PRKN: variants seen among roughly 807,000 people sequenced by gnomAD.
The protein encoded by PRKN is E3 ubiquitin-protein ligase parkin.
In PRKN, 56 loss-of-function variants were observed where a neutral mutation model predicts 59.5. That is an observed-to-expected ratio of 0.94 (90% CI 0.76 to 1.18). PRKN has a LOEUF of 1.18. Among genes scored for constraint, PRKN ranks in the 50% most tolerant of loss-of-function variants. The pLI, the probability that PRKN is intolerant of heterozygous loss-of-function variation, is 0.00. For synonymous variants in PRKN, 250 were observed against 222.1 expected (o/e 1.13, Z -1.12); for missense variants, 657 against 596.4 (o/e 1.10, Z -1.06).
chr6:162,204,797 T>C (rs1344748198), intron 3 of PRKN, among the ~76,000 whole-genome samples: 2 of 151,674 alleles, frequency 1.3e-5, no homozygotes, highest in African/African-American at 2.4e-5. Context: ...ACCGTGGCCA[T>C]TCAGAGGTCC....
chr6:161,953,675 C>G (rs1253563594), intron 6 of PRKN, among the ~76,000 whole-genome samples: 1 of 152,138 alleles, frequency 6.6e-6, no homozygotes, highest in Non-Finnish European at 1.5e-5. Flanking sequence ...AAACAAGTGA[C>G]ACACACAAGT....
At chr6:161,705,480 A>G (rs1480543638) in intron 7 of PRKN, among the ~76,000 whole-genome samples, 1 of 152,186 alleles carries the variant, frequency 6.6e-6, no homozygotes, top group Non-Finnish European at 1.5e-5. Context: ...AAGTCAAATA[A>G]TCATATATTG....
intron 3 of PRKN, among the ~76,000 whole-genome samples, chr6:162,251,104 A>G (rs1286534164): frequency 6.6e-6 from 1 of 152,166 alleles, no homozygotes; most frequent in Non-Finnish European, 1.5e-5. Flanking sequence ...TTCATCTTGC[A>G]TATGATTTGT....
intron 7 of PRKN, among the ~76,000 whole-genome samples, chr6:161,583,885 C>T (rs554165832): frequency 6.6e-6 from 1 of 152,204 alleles, no homozygotes; most frequent in Non-Finnish European, 1.5e-5. Context: ...CCTAGACATG[C>T]ATATTTGCAA....
At chr6:162,021,962 T>C (rs867709173) in intron 5 of PRKN, among the ~76,000 whole-genome samples, 6 of 152,314 alleles carry the variant, frequency 3.9e-5, no homozygotes, top group South Asian at 4.1e-4. Context: ...ATTTTTTGTT[T>C]CTGCATTAAT....
intron 9 of PRKN, among the ~76,000 whole-genome samples, chr6:161,500,866 T>A (rs1340871544): frequency 1.4e-5 from 1 of 69,946 alleles, no homozygotes; most frequent in Non-Finnish European, 3.1e-5. Flanking sequence ...TTAGTTTAGT[T>A]TTTTTTTTTC....
At chr6:161,860,417 T>G (rs377297968) in intron 6 of PRKN, among the ~76,000 whole-genome samples, 1 of 152,210 alleles carries the variant, frequency 6.6e-6, no homozygotes, top group African/African-American at 2.4e-5. Context: ...GAAAAGGAAA[T>G]TAATATCCCA....
chr6:162,555,480 C>CT (rs1264024803), intron 1 of PRKN, among the ~76,000 whole-genome samples: 3 of 152,084 alleles, frequency 2.0e-5, no homozygotes, highest in Non-Finnish European at 2.9e-5. Context: ...CAAATAGAAG[C>CT]TTTCTTTTCT....
At chr6:161,427,918 A>T (rs1352398470) in intron 9 of PRKN, among the ~76,000 whole-genome samples, 3 of 152,076 alleles carry the variant, frequency 2.0e-5, no homozygotes, top group Non-Finnish European at 2.9e-5. Context: ...GACTGAAATC[A>T]CTCTTGTCGA....
chr6:162,175,316 A>G (rs994391805), intron 4 of PRKN, among the ~76,000 whole-genome samples: 5 of 152,214 alleles, frequency 3.3e-5, no homozygotes, highest in Admixed American at 2.0e-4. Context: ...AAGAAAAGTG[A>G]GCCAGGGGAG....
chr6:161,508,096 T>C lies in PRKN; in HGVS notation c.1083+40758A>G, dbSNP rs563930020. On this transcript the variant is annotated intron_variant, in intron 9 of 11. Transcript: ENST00000366898. ...CATAAAAGCTGTACCCTTTTTTAAG[T>C]GCCACAGAGGACTAATAACTGTTAG... Among the ~76,000 whole-genome samples the C allele has an allele frequency of 2.0e-5, 3 of 152,310 alleles. No homozygotes were observed. The East Asian group carries it at 5.8e-4, about 29-fold the overall frequency.
At chr6:162,418,012 C>T (rs555825159) in intron 2 of PRKN, among the ~76,000 whole-genome samples, 1 of 152,260 alleles carries the variant, frequency 6.6e-6, no homozygotes, top group East Asian at 1.9e-4. Context: ...TAGGTATACG[C>T]CCAAGAGCAG....
intron 9 of PRKN, among the ~76,000 whole-genome samples, chr6:161,389,562 G>T (rs535985412): frequency 6.6e-6 from 1 of 152,164 alleles, no homozygotes; most frequent in African/African-American, 2.4e-5. Flanking sequence ...AACTAAAAGC[G>T]AATTCACTGA....
At chr6:162,144,758 G>A (rs1781947164) in intron 4 of PRKN, among the ~76,000 whole-genome samples, 1 of 152,184 alleles carries the variant, frequency 6.6e-6, no homozygotes, top group South Asian at 2.1e-4. Flanking sequence ...CAAACAGCTT[G>A]CTTGGGTTGC....
chr6:162,665,769 G>T (rs1779076759), intron 1 of PRKN, among the ~76,000 whole-genome samples: 1 of 152,136 alleles, frequency 6.6e-6, no homozygotes, highest in African/African-American at 2.4e-5. Flanking sequence ...CATGCTACCT[G>T]ACTTCAAACT....
intron 9 of PRKN, among the ~76,000 whole-genome samples, chr6:161,387,195 T>C (rs1179564979): frequency 6.6e-6 from 1 of 152,186 alleles, no homozygotes; most frequent in Non-Finnish European, 1.5e-5. Flanking sequence ...TCTTGAATTG[T>C]AGTTCCCATA....
intron 4 of PRKN, among the ~76,000 whole-genome samples, chr6:162,087,589 C>CT (rs35184111): frequency 0.36 from 36,498 of 102,648 alleles, 7,755 homozygotes; most frequent in Admixed American, 0.4. Flanking sequence ...AGAATAATTT[C>CT]TTTTTTTTTT....
Position 161,566,761 on chromosome 6 carries a change from T to C in PRKN, c.933+2594A>G, listed in dbSNP as rs577506619. On this transcript the variant is annotated intron_variant, in intron 8 of 11. Transcript: ENST00000366898. This position sits in a 1 kb window ranked among gnomAD's most constrained non-coding sequence, Gnocchi z 4.1. ...TCATGCAATGTGGCTCCTTCCTCTT[T>C]GTTTTGCTCTGTCCTCCTCCCCTCC... Among the ~76,000 whole-genome samples, 12 of 152,216 alleles carry C rather than the reference T, an allele frequency of 7.9e-5. No homozygotes were observed. Among genetic ancestry groups the C allele is most frequent in the Non-Finnish European group, 1.5e-4 (10 of 68,006 alleles).
intron 7 of PRKN, among the ~76,000 whole-genome samples, chr6:161,769,520 C>T (rs1024749567): frequency 2.0e-5 from 3 of 152,116 alleles, no homozygotes; most frequent in Non-Finnish European, 4.4e-5. Context: ...ATCTTTTTGA[C>T]AGAGGCTGCC....
Sources: gnomAD v4.1 joint callset for allele counts (sites outside exome capture counted in the v4.1 genomes callset) on GRCh38, gnomAD v4.1.1 for gene constraint, Gnocchi (gnomAD v3.1) non-coding constraint, MANE v1.5 for transcripts, NCBI Gene and HGNC (gene_info 2026-07-23, HGNC 2026-07-21) for gene names.